The following EPM2A variants were observed in gnomAD, a reference collection of about 807,000 sequenced individuals.
EPM2A encodes the protein laforin.
In EPM2A, 21 loss-of-function variants were observed where a neutral mutation model predicts 26.5. The observed-to-expected ratio is 0.79, with a 90% CI of 0.56 to 1.14. The LOEUF (loss-of-function observed/expected upper bound fraction) is 1.14. EPM2A is among the 50% of genes most tolerant of loss of function. The pLI is 0.00. For synonymous variants in EPM2A, 217 were observed against 177.6 expected (o/e 1.22, Z -1.76); for missense variants, 458 against 440.8 (o/e 1.04, Z -0.35).
intron 2 of EPM2A, among the ~76,000 whole-genome samples, chr6:145,649,488 G>T (rs919240977): frequency 1.3e-5 from 2 of 152,208 alleles, no homozygotes; most frequent in African/African-American, 4.8e-5. Context: ...GTGTTGGTAA[G>T]CCTATATGAT....
At chr6:145,441,110 A>C (rs1206033474) in intron 4 of EPM2A, among the ~76,000 whole-genome samples, 1 of 152,206 alleles carries the variant, frequency 6.6e-6, no homozygotes, top group East Asian at 1.9e-4. Context: ...ATTTCCATAC[A>C]TCCCCTGAAA....
intron 2 of EPM2A, among the ~76,000 whole-genome samples, chr6:145,562,012 A>G (rs1780812032): frequency 6.6e-6 from 1 of 151,980 alleles, no homozygotes. Context: ...ATGTATACCT[A>G]TGTAACAAAC....
At chr6:145,491,156 T>C in intron 4 of EPM2A, 1 of 536,192 alleles carries the variant, frequency 1.9e-6, no homozygotes, top group Non-Finnish European at 3.6e-6. Context: ...GAGTTTTCTT[T>C]GTTCCTGACT....
At chr6:145,726,171 AG>A (rs1289142228) in intron 1 of EPM2A, among the ~76,000 whole-genome samples, 2 of 152,084 alleles carry the variant, frequency 1.3e-5, no homozygotes, top group African/African-American at 4.8e-5. Context: ...ACACACACAA[AG>A]ATGGGGGGAT....
intron 2 of EPM2A, among the ~76,000 whole-genome samples, chr6:145,670,154 T>C (rs1562468378): frequency 1.3e-5 from 2 of 152,144 alleles, no homozygotes; most frequent in Admixed American, 6.6e-5. Flanking sequence ...GGGATAATGT[T>C]TATTAACATG....
At chr6:145,552,475 C>G (rs1780669742) in intron 2 of EPM2A, among the ~76,000 whole-genome samples, 1 of 151,996 alleles carries the variant, frequency 6.6e-6, no homozygotes, top group African/African-American at 2.4e-5. Context: ...GCCTAGATTT[C>G]CTTAAGCAAA....
intron 2 of EPM2A, chr6:145,639,571 T>G (rs78815230): frequency 2.0e-5 from 3 of 152,168 alleles, no homozygotes; most frequent in Non-Finnish European, 4.4e-5. Flanking sequence ...GCTTAATATA[T>G]AGAGCCCAAT....
At chr6:145,465,362 T>C (rs1779375289) in intron 4 of EPM2A, among the ~76,000 whole-genome samples, 1 of 151,304 alleles carries the variant, frequency 6.6e-6, no homozygotes. Flanking sequence ...ATTCTAGTTA[T>C]ACATTCTTCT....
At chr6:145,524,882 T>A (rs537895976) in intron 2 of EPM2A, among the ~76,000 whole-genome samples, 96 of 152,216 alleles carry the variant, frequency 6.3e-4, no homozygotes, top group African/African-American at 2.2e-3. Context: ...GCTTTTCTTC[T>A]AAGATTCTTA....
Position 145,635,440 on chromosome 6 carries a change from G to A in EPM2A, c.523C>T (p.His175Tyr). 1 of 1,613,910 alleles carries A rather than the reference G, an allele frequency of 6.2e-7. No individual in the cohort carries two copies. The highest frequency in any genetic ancestry group is 8.5e-7 in the Non-Finnish European group (1 of 1,179,764). Reference sequence around the variant, plus strand: ...TCATGCTTCAGTTTGATGGTTACATGTTCCACCTGACGAGGGCAGCTACCC... The same window carrying A: ...TCATGCTTCAGTTTGATGGTTACATATTCCACCTGACGAGGGCAGCTACCC... ...WLGSCPRQVE[H>Y]VTIKLKHELG... Residue 175 changes from histidine (H) to tyrosine (Y), a missense_variant, in exon 3 of 4, where the codon CAT becomes TAT. Physicochemically the swap from His to Tyr is moderately conservative, Grantham distance 83. Transcript: ENST00000367519.
chr6:145,720,530 A>T (rs1003701037), intron 1 of EPM2A, among the ~76,000 whole-genome samples: 4 of 152,202 alleles, frequency 2.6e-5, no homozygotes, highest in Admixed American at 2.6e-4. Context: ...TAAATCGAAG[A>T]TGATGGAAAT....
At chr6:145,597,224 G>T (rs1224067718) in intron 2 of EPM2A, among the ~76,000 whole-genome samples, 1 of 152,016 alleles carries the variant, frequency 6.6e-6, no homozygotes, top group Non-Finnish European at 1.5e-5. Context: ...CTTCATTCTG[G>T]TTTATTCACT....
Position 145,425,390 on chromosome 6 carries a change from C to T in EPM2A, c.556-41293G>A, listed in dbSNP as rs150688700. On this transcript the variant is annotated intron_variant, in intron 4 of 4. Coordinates refer to the EPM2A transcript ENST00000638717. ...GGGTTTCGCCATGTTGGCCAGGCTG[C>T]TCTTGAACCCCTGACCTCAAGGGAC... 8.1e-4 allele frequency among the ~76,000 whole-genome samples: 123 copies of T among 152,082 alleles called. No individual in the cohort carries two copies. In the East Asian group the frequency reaches 0.018, roughly 22 times the overall value.
In EPM2A at chr6:145,588,176, T is replaced by A. The variant is rs193042064; in HGVS notation, c.340+47069A>T. Reference sequence around the variant, plus strand: ...TTCCAAATACAGGATTTTGTAAACCTCATTGAATATGGTATTGATATGTTT... The same window carrying A: ...TTCCAAATACAGGATTTTGTAAACCACATTGAATATGGTATTGATATGTTT... On this transcript the variant is annotated intron_variant, in intron 2 of 3. Coordinates refer to the EPM2A transcript ENST00000450221. Among the ~76,000 whole-genome samples, 655 of 152,294 alleles carry A rather than the reference T, an allele frequency of 4.3e-3. 5 individuals are homozygous for A. The highest frequency in any genetic ancestry group is 0.014 in the African/African-American group (566 of 41,566).
intron 4 of EPM2A, among the ~76,000 whole-genome samples, chr6:145,406,559 T>A (rs1465173040): frequency 6.6e-6 from 1 of 152,176 alleles, no homozygotes; most frequent in Non-Finnish European, 1.5e-5. Context: ...CTGACTACAA[T>A]TTCTTCCTCT....
rs545055897 is a variant in EPM2A, at chr6:145,464,375, A to G, written c.555+38147T>C. On this transcript the variant is annotated intron_variant, in intron 4 of 4. Coordinates refer to the EPM2A transcript ENST00000638717. ...ACCCAGTCTCAGGGAAATTCTTTAT[A>G]GCAGTGTGTAAATGGACTAATACAC... Among the ~76,000 whole-genome samples the G allele has an allele frequency of 4.9e-4, 74 of 152,290 alleles. No homozygotes were observed. The South Asian group carries it at 6.2e-3, about 13-fold the overall frequency.
chr6:145,489,616 A>G lies in EPM2A; in HGVS notation c.555+12906T>C, dbSNP rs1157911913. ...ACCCAACAAGTAAATTTAAAAATATATTCATGTGTAATTTCATTCTAAAAC... is the reference window on the plus strand; with the variant it reads ...ACCCAACAAGTAAATTTAAAAATATGTTCATGTGTAATTTCATTCTAAAAC... On this transcript the variant is annotated intron_variant, in intron 4 of 4. Coordinates refer to the EPM2A transcript ENST00000638717. The G allele has an allele frequency of 2.4e-5, 28 of 1,185,752 alleles. 1 individual carries two copies. The highest frequency in any genetic ancestry group is 3.4e-5 in the Non-Finnish European group (28 of 826,710). The allele number at this position is 1,185,752 out of a possible 1,614,324, so 73.5% of individuals were successfully genotyped here.
intron 2 of EPM2A, among the ~76,000 whole-genome samples, chr6:145,550,288 G>C (rs1049303495): frequency 6.6e-6 from 1 of 151,950 alleles, no homozygotes; most frequent in African/African-American, 2.4e-5. Context: ...GAGAGGAGAC[G>C]AGAGGGCAAC....
At chr6:145,714,163 C>T (rs1396751670) in intron 1 of EPM2A, among the ~76,000 whole-genome samples, 1 of 152,178 alleles carries the variant, frequency 6.6e-6, no homozygotes, top group African/African-American at 2.4e-5. Context: ...AGTTACATAA[C>T]ATTTTGTGAA....
Sources: allele counts gnomAD v4.1 joint callset (sites outside exome capture counted in the v4.1 genomes callset), GRCh38; gene constraint gnomAD v4.1.1; transcripts MANE v1.5; gene names NCBI Gene and HGNC (gene_info 2026-07-23, HGNC 2026-07-21).